Variants in PAPPA2 observed in about 807,000 individuals in gnomAD.
PAPPA2 encodes pappalysin 2, also known as pappalysin-2.
Under a neutral mutation model 176.4 loss-of-function variants are expected in PAPPA2, and 86 were observed. The observed-to-expected ratio is 0.49, with a 90% CI of 0.41 to 0.58. The LOEUF is 0.58. Among genes scored for constraint, PAPPA2 ranks in the 20% least tolerant of loss-of-function variants. The probability of loss-of-function intolerance (pLI) is 0.00; values close to 1 mark genes in which losing one functional copy is unlikely to be tolerated. For synonymous variants in PAPPA2, 809 were observed against 852.2 expected, an observed-to-expected ratio of 0.95 and a Z score of 0.88; for missense variants, 2,073 against 2,256.9, an observed-to-expected ratio of 0.92 and a Z score of 1.65.
chr1:176,548,091 A>ATGAAAATGAAATATTT (rs1650738083), intron 1 of PAPPA2, among the ~76,000 whole-genome samples: 1 of 152,242 alleles, frequency 6.6e-6, no homozygotes, highest in Non-Finnish European at 1.5e-5. Flanking sequence ...TTTTAATTAG[A>ATGAAAATGAAATATTT]TGAAAATGAA....
intron 3 of PAPPA2, among the ~76,000 whole-genome samples, chr1:176,650,902 C>G (rs1657683348): frequency 6.6e-6 from 1 of 151,478 alleles, no homozygotes; most frequent in Non-Finnish European, 1.5e-5. Flanking sequence ...CATGAGGCTT[C>G]AAGAAAACAT....
At position 176,582,228 on chromosome 1, in the gene PAPPA2, A is replaced by G. The variant is rs182266717; in HGVS notation, c.920-12296A>G. Among the ~76,000 whole-genome samples, 3 of 152,176 alleles carry G rather than the reference A, an allele frequency of 2.0e-5. No individual in the cohort carries two copies. The East Asian group carries it at 5.8e-4, about 29-fold the overall frequency. On this transcript the variant is annotated intron_variant, in intron 2 of 22. Coordinates refer to ENST00000367662, the MANE Select transcript of PAPPA2 (RefSeq NM_020318.3). ...AGGCATGAGCCACCGCGCCCGGCCT[A>G]GGTTTTTCTTTATGTAAGATCACTT...
At chr1:176,594,361 T>C (rs1323191835) in intron 2 of PAPPA2, among the ~76,000 whole-genome samples, 163 bp from the exon 3 acceptor site, 1 of 152,232 alleles carries the variant, frequency 6.6e-6, no homozygotes, top group African/African-American at 2.4e-5. Context: ...CGGCCTGATA[T>C]AGGGATATGA....
intron 1 of PAPPA2, among the ~76,000 whole-genome samples, chr1:176,531,754 C>T (rs1649823282): frequency 6.6e-6 from 1 of 152,190 alleles, no homozygotes; most frequent in African/African-American, 2.4e-5. Context: ...CCAGGATTCT[C>T]TTCCCAACTG....
At chr1:176,615,027 T>G (rs1274565098) in intron 3 of PAPPA2, among the ~76,000 whole-genome samples, 1 of 152,138 alleles carries the variant, frequency 6.6e-6, no homozygotes, top group Non-Finnish European at 1.5e-5. Context: ...CTGATAAGTA[T>G]GGAAAAAATT....
chr1:176,731,687 A>T (rs1438582150), intron 12 of PAPPA2, among the ~76,000 whole-genome samples: 1 of 151,612 alleles, frequency 6.6e-6, no homozygotes, highest in Non-Finnish European at 1.5e-5. Flanking sequence ...GTATATATAC[A>T]TATATGTGTA....
intron 4 of PAPPA2, among the ~76,000 whole-genome samples, chr1:176,682,336 T>A (rs1478977209): frequency 6.6e-6 from 1 of 152,134 alleles, no homozygotes; most frequent in Non-Finnish European, 1.5e-5. Context: ...GAGAAGGTGA[T>A]GCTTAGAGGG....
chr1:176,669,401 C>T (rs1255898830), intron 3 of PAPPA2, among the ~76,000 whole-genome samples: 10 of 152,068 alleles, frequency 6.6e-5, no homozygotes, highest in Admixed American at 1.3e-4. Context: ...TCATCACCCC[C>T]AAACCATCAA....
At chr1:176,622,918 G>GTGAGGACCTT in intron 3 of PAPPA2, among the ~76,000 whole-genome samples, 1 of 152,156 alleles carries the variant, frequency 6.6e-6, no homozygotes, top group African/African-American at 2.4e-5. Context: ...TCAGTGTCTG[G>GTGAGGACCTT]TGAGGACCTT....
chr1:176,697,042 G>A (rs1660419274), intron 7 of PAPPA2, among the ~76,000 whole-genome samples: 1 of 152,042 alleles, frequency 6.6e-6, no homozygotes, highest in East Asian at 1.9e-4. Flanking sequence ...GGGCCATTTT[G>A]TGTGTGTGTG....
chr1:176,639,314 C>G (rs1186711997), intron 3 of PAPPA2, among the ~76,000 whole-genome samples: 1 of 152,010 alleles, frequency 6.6e-6, no homozygotes, highest in Non-Finnish European at 1.5e-5. Context: ...AGAAGCATGG[C>G]CCCACCTAGT....
At chr1:176,613,225 G>GA (rs1464210277) in intron 3 of PAPPA2, among the ~76,000 whole-genome samples, 2 of 152,080 alleles carry the variant, frequency 1.3e-5, no homozygotes, top group Non-Finnish European at 2.9e-5. Context: ...AGTCATTGTG[G>GA]AAAAAAAGCA....
At chr1:176,810,378 C>A (rs1043554747) in intron 21 of PAPPA2, among the ~76,000 whole-genome samples, 3 of 152,076 alleles carry the variant, frequency 2.0e-5, no homozygotes, top group African/African-American at 7.2e-5. Context: ...TCATGGAAGA[C>A]AATTTTTCCA....
At chr1:176,735,733 T>TATC (rs1248842539) in intron 12 of PAPPA2, among the ~76,000 whole-genome samples, 1 of 134,568 alleles carries the variant, frequency 7.4e-6, no homozygotes, top group African/African-American at 2.8e-5. Context: ...TCTATCTATC[T>TATC]ATCTATCATC....
chr1:176,539,621 AT>A (rs545050602), intron 1 of PAPPA2, among the ~76,000 whole-genome samples: 9 of 150,680 alleles, frequency 6.0e-5, no homozygotes, highest in South Asian at 2.1e-4. Flanking sequence ...GTGTCATGTG[AT>A]TTTTTTTTTC....
At chr1:176,524,982 C>T (rs1056901271) in intron 1 of PAPPA2, among the ~76,000 whole-genome samples, 1 of 152,106 alleles carries the variant, frequency 6.6e-6, no homozygotes, top group African/African-American at 2.4e-5. Context: ...GCGGAGCTTG[C>T]AGTGAGCCGA....
At chr1:176,616,263 C>T (rs1295397743) in intron 3 of PAPPA2, 4 of 478,184 alleles carry the variant, frequency 8.4e-6, no homozygotes, top group Non-Finnish European at 1.6e-5. Context: ...TTAGGCACCC[C>T]AGTTTTATTG....
chr1:176,770,231 T>C (rs536710635), intron 16 of PAPPA2, among the ~76,000 whole-genome samples: 67 of 152,320 alleles, frequency 4.4e-4, no homozygotes, highest in African/African-American at 1.5e-3. Flanking sequence ...TCTCAGACTT[T>C]GGTGTGCCTA....
intron 3 of PAPPA2, among the ~76,000 whole-genome samples, chr1:176,608,693 T>G (rs12122085): frequency 0.075 from 11,342 of 152,182 alleles, 503 homozygotes; most frequent in East Asian, 0.21. Flanking sequence ...TTGTAAGCCC[T>G]TTTTTTATTC....
Sources: allele counts gnomAD v4.1 joint callset (sites outside exome capture counted in the v4.1 genomes callset), GRCh38; gene constraint gnomAD v4.1.1; transcripts MANE v1.5; gene names NCBI Gene and HGNC (gene_info 2026-07-23, HGNC 2026-07-21).